Variants in ATP10D observed in about 807,000 individuals in gnomAD.
ATP10D encodes the protein ATPase phospholipid transporting 10D (putative).
ATP10D carries 89 observed loss-of-function variants against 144.8 expected under a neutral mutation model. That is an observed-to-expected ratio of 0.61 (90% CI 0.52 to 0.73). The LOEUF (loss-of-function observed/expected upper bound fraction) is 0.73. Ranked by LOEUF, ATP10D falls within the 30% of genes least tolerant of loss-of-function variation. The pLI is 0.00. For synonymous variants in ATP10D, 571 were observed against 615.1 expected (o/e 0.93, Z 1.06); for missense variants, 1,603 against 1,714.8 (o/e 0.93, Z 1.15).
At chr4:47,531,276 G>A (rs1692121904) in intron 5 of ATP10D, among the ~76,000 whole-genome samples, 1 of 152,206 alleles carries the variant, frequency 6.6e-6, no homozygotes, top group Non-Finnish European at 1.5e-5. Flanking sequence ...GAACCATGCA[G>A]TGGAAAGAGG....
intron 1 of ATP10D, among the ~76,000 whole-genome samples, chr4:47,512,232 C>T (rs895387383): frequency 1.3e-5 from 2 of 152,136 alleles, no homozygotes; most frequent in Non-Finnish European, 2.9e-5. Context: ...GAGACTTGCA[C>T]AAATTAAGCC....
chr4:47,591,010 AT>A, intron 22 of ATP10D, 31 bp from the exon 23 acceptor site: 1 of 1,441,436 alleles, frequency 6.9e-7, no homozygotes, highest in Admixed American at 2.1e-5. Context: ...TTTGAGATGA[AT>A]TTAATTCTAA....
At chr4:47,486,345 A>C (rs538821396) in intron 1 of ATP10D, among the ~76,000 whole-genome samples, 49 of 152,338 alleles carry the variant, frequency 3.2e-4, no homozygotes, top group African/African-American at 1.2e-3. Flanking sequence ...AATAAGACCA[A>C]AGTTTCTTCT....
intron 14 of ATP10D, among the ~76,000 whole-genome samples, chr4:47,562,334 T>C (rs1278080034): frequency 1.3e-5 from 2 of 152,194 alleles, no homozygotes; most frequent in African/African-American, 2.4e-5. Context: ...ATAGACATTG[T>C]ATCTTACTGG....
Position 47,494,599 on chromosome 4 carries a change from A to G in ATP10D, c.-38+9080A>G, listed in dbSNP as rs75428288. Among the ~76,000 whole-genome samples, 1,284 of 151,600 alleles carry G rather than the reference A, an allele frequency of 8.5e-3. 6 individuals are homozygous for G. Among genetic ancestry groups the G allele is most frequent in the Middle Eastern group, 0.038 (11 of 292 alleles). ...TGATGTTGAATGTGGTCATTTTGGA[A>G]TGTTGTAGATTGGTCATGTTATGAA... On this transcript the variant is annotated intron_variant, in intron 1 of 22. Coordinates refer to ENST00000273859, the MANE Select transcript of ATP10D (RefSeq NM_020453.4).
chr4:47,494,831 C>T (rs1008109344), intron 1 of ATP10D, among the ~76,000 whole-genome samples: 8 of 152,048 alleles, frequency 5.3e-5, no homozygotes, highest in South Asian at 2.1e-4. Flanking sequence ...TAAGTATAGG[C>T]ATAAAAATGT....
In ATP10D at chr4:47,592,088, A is replaced by C. The variant is rs1721077509; in HGVS notation, c.*707A>C. ...GGGTTTCATCAGGGACCAGGAATGCATTCCTCTGTCAGGTTCCAATCAAGA... is the reference window on the plus strand; with the variant it reads ...GGGTTTCATCAGGGACCAGGAATGCCTTCCTCTGTCAGGTTCCAATCAAGA... On this transcript the variant is annotated 3_prime_UTR_variant, in exon 23 of 23. Coordinates refer to ENST00000273859, the MANE Select transcript of ATP10D (RefSeq NM_020453.4). 1.3e-5 allele frequency: 2 copies of C among 152,482 alleles called. No individual in the cohort carries two copies. The highest frequency in any genetic ancestry group is 1.3e-4 in the Admixed American group (2 of 15,254). 9.4% of individuals were successfully genotyped at this position (152,482 alleles called of 1,614,324 possible). A position where few individuals can be genotyped will look rare whatever the true frequency, so the allele number is the denominator to read the frequency against.
chr4:47,570,433 G>T (rs951730651), intron 16 of ATP10D, among the ~76,000 whole-genome samples: 8 of 152,154 alleles, frequency 5.3e-5, no homozygotes, highest in Non-Finnish European at 1.2e-4. Context: ...AGTGATGTCA[G>T]GTAGGAAGTG....
At chr4:47,525,010 A>G (rs367672598) in intron 4 of ATP10D, among the ~76,000 whole-genome samples, 22 of 152,314 alleles carry the variant, frequency 1.4e-4, no homozygotes, top group African/African-American at 5.3e-4. Context: ...TAAAGGAGCT[A>G]TGTCCTACAA....
At chr4:47,566,244 G>A (rs749537430) in intron 15 of ATP10D, among the ~76,000 whole-genome samples, 1 of 152,144 alleles carries the variant, frequency 6.6e-6, no homozygotes, top group Non-Finnish European at 1.5e-5. Context: ...AGTGTTGCCA[G>A]TTGCAAACTT....
chr4:47,504,514 C>G (rs765795390), intron 1 of ATP10D, among the ~76,000 whole-genome samples: 2 of 152,104 alleles, frequency 1.3e-5, no homozygotes, highest in African/African-American at 2.4e-5. Context: ...TATCAGGGCT[C>G]ACTGTGCTTC....
At chr4:47,500,821 G>T (rs1305326535) in intron 1 of ATP10D, among the ~76,000 whole-genome samples, 1 of 152,190 alleles carries the variant, frequency 6.6e-6, no homozygotes, top group Non-Finnish European at 1.5e-5. Flanking sequence ...TCACCAGGAA[G>T]AAAGTCAGGA....
chr4:47,559,460 G>T (rs370865212), intron 13 of ATP10D, among the ~76,000 whole-genome samples: 1 of 152,024 alleles, frequency 6.6e-6, no homozygotes, highest in Non-Finnish European at 1.5e-5. Context: ...TTATGTGCCC[G>T]TAAGTATTTA....
intron 1 of ATP10D, among the ~76,000 whole-genome samples, chr4:47,505,278 A>T (rs1172701273): frequency 6.6e-6 from 1 of 152,210 alleles, no homozygotes. Flanking sequence ...CTTAATTCCA[A>T]CTGTGCATTT....
intron 10 of ATP10D, among the ~76,000 whole-genome samples, chr4:47,551,873 A>G (rs756745570): frequency 7.2e-5 from 11 of 152,174 alleles, no homozygotes; most frequent in Admixed American, 2.6e-4. Context: ...TGCAGATAAG[A>G]ATTGCATGTG....
chr4:47,509,425 G>C (rs1261611903), intron 1 of ATP10D, among the ~76,000 whole-genome samples: 2 of 152,102 alleles, frequency 1.3e-5, no homozygotes, highest in Non-Finnish European at 2.9e-5. Context: ...CTTTTGAATT[G>C]ACAAATACAA....
chr4:47,498,624 T>C (rs1715521410), intron 1 of ATP10D, among the ~76,000 whole-genome samples: 1 of 152,236 alleles, frequency 6.6e-6, no homozygotes, highest in Admixed American at 6.5e-5. Flanking sequence ...TCTCTTAAGA[T>C]GCATCCCATT....
rs558721966 is a variant in ATP10D, at chr4:47,562,202, T to C, written c.2668+1127T>C. ...TAATATGCTTGATTAACAAGTATTA[T>C]AGAATATGGTATATGCACCATATTA... On this transcript the variant is annotated intron_variant, in intron 14 of 22. Coordinates refer to ENST00000273859, the MANE Select transcript of ATP10D (RefSeq NM_020453.4). Among the ~76,000 whole-genome samples, 3 of 152,378 alleles carry C rather than the reference T, an allele frequency of 2.0e-5. No homozygotes were observed. The East Asian group carries it at 5.8e-4, about 29-fold the overall frequency.
chr4:47,563,944 G>C (rs1719461342), intron 15 of ATP10D, among the ~76,000 whole-genome samples, 179 bp downstream of exon 15: 1 of 152,142 alleles, frequency 6.6e-6, no homozygotes, highest in African/African-American at 2.4e-5. Context: ...CCAGGCTGGA[G>C]TGCAGTGGTG....
Sources: gnomAD v4.1 joint callset for allele counts (sites outside exome capture counted in the v4.1 genomes callset) on GRCh38, gnomAD v4.1.1 for gene constraint, MANE v1.5 for transcripts, NCBI Gene and HGNC (gene_info 2026-07-23, HGNC 2026-07-21) for gene names.